Variants in RYR2 observed in about 807,000 individuals in gnomAD.
The protein encoded by RYR2 is cardiac muscle ryanodine receptor-calcium release channel.
A neutral mutation model predicts 601.1 loss-of-function variants in RYR2; 227 were observed. The ratio of observed to expected loss-of-function variants is 0.38; its 90% CI spans 0.34 to 0.42. The LOEUF (loss-of-function observed/expected upper bound fraction) is 0.42. Among genes scored for constraint, RYR2 ranks in the 10% least tolerant of loss-of-function variants. The pLI is 1.00. For synonymous variants in RYR2, 2,223 were observed against 2,175.1 expected (o/e 1.02, Z -0.61); for missense variants, 4,646 against 6,156.5 (o/e 0.75, Z 8.21).
At chr1:237,216,220 G>T (rs1347292903) in intron 1 of RYR2, among the ~76,000 whole-genome samples, 3 of 151,934 alleles carry the variant, frequency 2.0e-5, no homozygotes, top group East Asian at 1.9e-4. Flanking sequence ...GAAAGTTTAG[G>T]TTCAATATTA....
chr1:237,155,179 C>CTTTTCTT (rs1553319689), intron 1 of RYR2, among the ~76,000 whole-genome samples: 1 of 127,632 alleles, frequency 7.8e-6, no homozygotes, highest in Non-Finnish European at 1.6e-5. Context: ...TTTTTCTTTT[C>CTTTTCTT]TTTTTTTTTT....
At chr1:237,367,440 T>A (rs1700290671) in intron 5 of RYR2, among the ~76,000 whole-genome samples, 1 of 152,188 alleles carries the variant, frequency 6.6e-6, no homozygotes, top group African/African-American at 2.4e-5. Flanking sequence ...TAATACCTTT[T>A]AATATCTGTT....
At chr1:237,714,942 G>A (rs762012551) in intron 71 of RYR2, among the ~76,000 whole-genome samples, 2 of 131,308 alleles carry the variant, frequency 1.5e-5, no homozygotes, top group Non-Finnish European at 3.1e-5. Flanking sequence ...GCAGTGAGCC[G>A]AGATCACACC....
chr1:237,262,172 T>C lies in RYR2; in HGVS notation c.49-8325T>C, dbSNP rs368980076. Reference sequence around the variant, plus strand: ...GTAGAAATCATGTCTTATTTACTCATCACAAAATTGTCAGAATCCAGTACT... The same window carrying C: ...GTAGAAATCATGTCTTATTTACTCACCACAAAATTGTCAGAATCCAGTACT... On this transcript the variant is annotated intron_variant, in intron 1 of 104. Coordinates refer to ENST00000366574, the MANE Select transcript of RYR2 (RefSeq NM_001035.3). Among the ~76,000 whole-genome samples, 10 of 149,606 alleles carry C rather than the reference T, an allele frequency of 6.7e-5. No homozygotes were observed. The South Asian group carries it at 1.9e-3, about 29-fold the overall frequency.
At chr1:237,753,672 A>T (rs1692713880) in intron 80 of RYR2, among the ~76,000 whole-genome samples, 1 of 152,218 alleles carries the variant, frequency 6.6e-6, no homozygotes, top group Admixed American at 6.5e-5. Context: ...ACCTTGAAAT[A>T]ACCTTGAAAT....
intron 1 of RYR2, among the ~76,000 whole-genome samples, chr1:237,134,515 T>A (rs1672543811): frequency 6.6e-6 from 1 of 152,086 alleles, no homozygotes; most frequent in Admixed American, 6.5e-5. Context: ...TTATTCACTA[T>A]CACAAGAACA....
At chr1:237,456,840 G>T in intron 16 of RYR2, 105 bp downstream of exon 16, 1 of 1,301,878 alleles carries the variant, frequency 7.7e-7, no homozygotes, top group East Asian at 2.5e-5. Context: ...AATTTGGGAG[G>T]CTGAGGTGGG....
chr1:237,635,796 T>C (rs1680815037), intron 44 of RYR2, among the ~76,000 whole-genome samples: 1 of 152,228 alleles, frequency 6.6e-6, no homozygotes, highest in South Asian at 2.1e-4. Flanking sequence ...CCTACAGCTT[T>C]CCCGCACTCT....
chr1:237,822,437 A>T (rs1773467), intron 101 of RYR2, among the ~76,000 whole-genome samples: 39,939 of 152,086 alleles, frequency 0.26, 5,696 homozygotes, highest in East Asian at 0.61. Context: ...CTAAGCTTCA[A>T]AAGCGAAGGA....
At chr1:237,382,081 G>T (rs1439982764) in intron 8 of RYR2, among the ~76,000 whole-genome samples, 1 of 152,268 alleles carries the variant, frequency 6.6e-6, no homozygotes, top group East Asian at 1.9e-4. Flanking sequence ...TTTTCTGTGT[G>T]TTAGGTGTAA....
intron 56 of RYR2, among the ~76,000 whole-genome samples, chr1:237,663,877 G>A (rs1400175543): frequency 6.6e-6 from 1 of 152,122 alleles, no homozygotes; most frequent in Non-Finnish European, 1.5e-5. Context: ...ACAAACTTAA[G>A]GACATGAATA....
chr1:237,276,225 G>A (rs952852627), intron 2 of RYR2, among the ~76,000 whole-genome samples: 2 of 152,008 alleles, frequency 1.3e-5, no homozygotes, highest in African/African-American at 4.8e-5. Context: ...TCAGCCTCCC[G>A]AGTTGCTGAG....
intron 89 of RYR2, 127 bp downstream of exon 89, chr1:237,781,773 T>C (rs1695133021): frequency 8.7e-6 from 4 of 462,358 alleles, no homozygotes; most frequent in Non-Finnish European, 1.6e-5. Context: ...TTGGATTTCT[T>C]GCTGGCTTAT....
chr1:237,787,795 A>G (rs1052255452), intron 91 of RYR2, among the ~76,000 whole-genome samples, 193 bp from the exon 92 acceptor site: 1 of 152,132 alleles, frequency 6.6e-6, no homozygotes, highest in African/African-American at 2.4e-5. Context: ...ACCCATCTCC[A>G]GGGGACTGTG....
chr1:237,063,417 A>G (rs1490789308), intron 1 of RYR2, among the ~76,000 whole-genome samples: 3 of 150,328 alleles, frequency 2.0e-5, no homozygotes, highest in Non-Finnish European at 4.4e-5. Flanking sequence ...TCATTCTTTT[A>G]TTACTCCTTC....
chr1:237,763,384 C>T (rs971576744), intron 84 of RYR2, among the ~76,000 whole-genome samples: 1 of 152,192 alleles, frequency 6.6e-6, no homozygotes, highest in Non-Finnish European at 1.5e-5. Flanking sequence ...CAAGCTGAGT[C>T]TCCTCCTCGC....
At chr1:237,382,115 G>A (rs145236784) in intron 8 of RYR2, among the ~76,000 whole-genome samples, 2,221 of 152,262 alleles carry the variant, frequency 0.015, 52 homozygotes, top group African/African-American at 0.049. Context: ...AAGCCCAAAT[G>A]TTTTCAATCT....
At chr1:237,646,540 G>A (rs1682178173) in intron 48 of RYR2, among the ~76,000 whole-genome samples, 5 of 151,982 alleles carry the variant, frequency 3.3e-5, no homozygotes, top group Admixed American at 2.6e-4. Context: ...CAGTAATAAT[G>A]GTTATTATAC....
chr1:237,322,360 A>G (rs560034773), intron 2 of RYR2, among the ~76,000 whole-genome samples: 45 of 152,326 alleles, frequency 3.0e-4, no homozygotes, highest in African/African-American at 9.9e-4. Flanking sequence ...ACTCTAGACA[A>G]GTCGGAATCT....
Sources: allele counts gnomAD v4.1 joint callset (sites outside exome capture counted in the v4.1 genomes callset), GRCh38; gene constraint gnomAD v4.1.1; transcripts MANE v1.5; gene names NCBI Gene and HGNC (gene_info 2026-07-23, HGNC 2026-07-21).